The following BCKDHB variants were observed in gnomAD, a reference collection of about 807,000 sequenced individuals.
BCKDHB encodes the protein 2-oxoisovalerate dehydrogenase subunit beta, mitochondrial.
Under a neutral mutation model 48.5 loss-of-function variants are expected in BCKDHB, and 41 were observed. The observed-to-expected ratio is 0.85, with a 90% CI of 0.66 to 1.10. The LOEUF (loss-of-function observed/expected upper bound fraction) is 1.10. Ranked by LOEUF, BCKDHB falls within the 50% of genes least tolerant of loss-of-function variation. The probability of loss-of-function intolerance (pLI) is 0.00; values close to 1 mark genes in which losing one functional copy is unlikely to be tolerated. For missense variants in BCKDHB, 496 were observed against 494.2 expected, an observed-to-expected ratio of 1.00 and a Z score of -0.03; for synonymous variants, 201 against 174.8, an observed-to-expected ratio of 1.15 and a Z score of -1.18.
chr6:80,427,319 A>G, the BCKDHB span, among the ~76,000 whole-genome samples: 2 of 152,060 alleles, frequency 1.3e-5, no homozygotes, highest in African/African-American at 4.8e-5. Flanking sequence ...TCTTCCAACA[A>G]TAATACTATA....
At chr6:80,353,273 G>GTATA in the BCKDHB span, among the ~76,000 whole-genome samples, 9 of 152,110 alleles carry the variant, frequency 5.9e-5, no homozygotes, top group African/African-American at 2.2e-4. Context: ...ATTTCATTGT[G>GTATA]TATATAATCA....
the BCKDHB span, among the ~76,000 whole-genome samples, chr6:80,417,467 G>T: frequency 6.6e-6 from 1 of 152,122 alleles, no homozygotes; most frequent in Non-Finnish European, 1.5e-5. Context: ...TTTTTGTAGT[G>T]GCTTGTAATG....
At chr6:80,210,220 A>G (rs1774858726) in intron 8 of BCKDHB, among the ~76,000 whole-genome samples, 1 of 147,420 alleles carries the variant, frequency 6.8e-6, no homozygotes, top group Non-Finnish European at 1.5e-5. Context: ...AGTACTCATC[A>G]ACTAGAGAAT....
intron 3 of BCKDHB, among the ~76,000 whole-genome samples, chr6:80,163,375 T>G (rs979476252): frequency 2.0e-5 from 3 of 151,328 alleles, no homozygotes; most frequent in Non-Finnish European, 2.9e-5. Context: ...TCACCAATGA[T>G]AAAATCCTCA....
chr6:80,168,347 G>C (rs927114508), intron 4 of BCKDHB, among the ~76,000 whole-genome samples: 1 of 147,018 alleles, frequency 6.8e-6, no homozygotes, highest in Non-Finnish European at 1.5e-5. Flanking sequence ...AGGGAGAGGG[G>C]AGAGAGGAGA....
In BCKDHB at chr6:80,106,784, C is replaced by T. The variant is rs772681104; in HGVS notation, c.91C>T (p.Leu31=). 1 of 1,596,032 alleles carries T rather than the reference C, an allele frequency of 6.3e-7. No homozygotes were observed. The highest frequency in any genetic ancestry group is 8.5e-7 in the Non-Finnish European group (1 of 1,172,426). Residue 31 remains leucine, a synonymous_variant, in exon 1 of 10, where the codon CTG becomes TTG. Coordinates refer to ENST00000320393, the MANE Select transcript of BCKDHB (RefSeq NM_183050.4). ...CTGGCGTCGGCTTCCTGGCGCGGGGCTGGCGCGGGGCTTTTTGCACCCCGC... is the reference window on the plus strand; with the variant it reads ...CTGGCGTCGGCTTCCTGGCGCGGGGTTGGCGCGGGGCTTTTTGCACCCCGC... ...GHWRRLPGAG[L]ARGFLHPAAT... is the part of the protein sequence containing the mutation.
intron 1 of BCKDHB, among the ~76,000 whole-genome samples, chr6:80,107,257 T>A (rs1158556297): frequency 6.7e-6 from 1 of 149,778 alleles, no homozygotes; most frequent in African/African-American, 2.5e-5. Context: ...TGGCCAGGAC[T>A]GGGCCACTAG....
chr6:80,319,856 A>G (rs992197660), intron 9 of BCKDHB, among the ~76,000 whole-genome samples: 1 of 152,198 alleles, frequency 6.6e-6, no homozygotes, highest in African/African-American at 2.4e-5. Flanking sequence ...TAAAATATTA[A>G]TAGACAAAAC....
intron 9 of BCKDHB, among the ~76,000 whole-genome samples, chr6:80,297,617 A>C (rs562557118): frequency 6.6e-6 from 1 of 152,222 alleles, no homozygotes; most frequent in South Asian, 2.1e-4. Flanking sequence ...TAAGGGTCCC[A>C]TTTTTATTAC....
intron 8 of BCKDHB, among the ~76,000 whole-genome samples, chr6:80,227,518 T>C (rs1194856705): frequency 1.3e-5 from 2 of 152,206 alleles, no homozygotes; most frequent in Non-Finnish European, 2.9e-5. Context: ...GTATTTGGGT[T>C]CCAGTTTACA....
At chr6:80,333,107 C>T (rs1769403825) in intron 9 of BCKDHB, among the ~76,000 whole-genome samples, 1 of 152,162 alleles carries the variant, frequency 6.6e-6, no homozygotes, top group African/African-American at 2.4e-5. Context: ...TTCTACTAGT[C>T]TCTTTTTCAT....
At chr6:80,146,615 CAG>C (rs764182216) in intron 3 of BCKDHB, among the ~76,000 whole-genome samples, 15 of 152,106 alleles carry the variant, frequency 9.9e-5, no homozygotes, top group Non-Finnish European at 1.6e-4. Flanking sequence ...CTTGGAAAAA[CAG>C]AATCTGGAGT....
At chr6:80,336,671 A>G (rs1315328599) in intron 9 of BCKDHB, among the ~76,000 whole-genome samples, 2 of 151,980 alleles carry the variant, frequency 1.3e-5, no homozygotes, top group Non-Finnish European at 2.9e-5. Context: ...GCACTGTTGA[A>G]ATAGGCTTGA....
intron 8 of BCKDHB, among the ~76,000 whole-genome samples, chr6:80,212,506 GTTA>G (rs1407425288): frequency 1.3e-5 from 2 of 152,080 alleles, no homozygotes; most frequent in African/African-American, 2.4e-5. Context: ...AAAAATCACT[GTTA>G]TTCTGTTCCT....
chr6:80,228,507 C>G lies in BCKDHB; in HGVS notation c.951+25295C>G, dbSNP rs149808185. Among the ~76,000 whole-genome samples, 51 of 152,266 alleles carry G rather than the reference C, an allele frequency of 3.3e-4. No homozygotes were observed. In the East Asian group the frequency reaches 6.6e-3, roughly 20 times the overall value. On this transcript the variant is annotated intron_variant, in intron 8 of 9. Coordinates refer to ENST00000320393, the MANE Select transcript of BCKDHB (RefSeq NM_183050.4). ...ATTCTTGAAAGGTGGCAATCTAAAT[C>G]ACCTTTATTTTCTGAGCTTCCTCTC...
the BCKDHB span, among the ~76,000 whole-genome samples, chr6:80,458,054 T>A: frequency 1.3e-5 from 2 of 152,220 alleles, no homozygotes; most frequent in Non-Finnish European, 2.9e-5. Context: ...AACTATTCTC[T>A]TTTGTGTCTA....
At chr6:80,353,177 G>A in the BCKDHB span, among the ~76,000 whole-genome samples, 1 of 152,090 alleles carries the variant, frequency 6.6e-6, no homozygotes, top group East Asian at 1.9e-4. Flanking sequence ...TCTGTGTCTG[G>A]CTTGTTTTAC....
the BCKDHB span, among the ~76,000 whole-genome samples, chr6:80,446,911 A>G: frequency 6.6e-6 from 1 of 151,672 alleles, no homozygotes; most frequent in African/African-American, 2.4e-5. Context: ...CTGGTTGGAG[A>G]TGTCATTTGT....
At chr6:80,291,107 G>C (rs188346955) in intron 9 of BCKDHB, among the ~76,000 whole-genome samples, 1 of 152,124 alleles carries the variant, frequency 6.6e-6, no homozygotes, top group Non-Finnish European at 1.5e-5. Context: ...ATGCCTAACT[G>C]TCTGGGAATG....
Sources: allele counts gnomAD v4.1 joint callset (sites outside exome capture counted in the v4.1 genomes callset), GRCh38; gene constraint gnomAD v4.1.1; transcripts MANE v1.5; gene names NCBI Gene and HGNC (gene_info 2026-07-23, HGNC 2026-07-21).